GNAI1: variants seen among roughly 807,000 people sequenced by gnomAD.
The protein encoded by GNAI1 is guanine nucleotide-binding protein G(i) subunit alpha-1.
GNAI1 carries 11 observed loss-of-function variants against 38.9 expected under a neutral mutation model. That is an observed-to-expected ratio of 0.28 (90% CI 0.18 to 0.47). The LOEUF is 0.47. Ranked by LOEUF, GNAI1 falls within the 20% of genes least tolerant of loss-of-function variation. The pLI is 0.99. For missense variants in GNAI1, 317 were observed against 436.9 expected (o/e 0.73, Z 2.45); for synonymous variants, 166 against 145.1 (o/e 1.14, Z -1.04).
At chr7:80,206,015 AATT>A (rs1332112141) in intron 5 of GNAI1, among the ~76,000 whole-genome samples, 3 of 152,068 alleles carry the variant, frequency 2.0e-5, no homozygotes, top group African/African-American at 7.2e-5. Context: ...GAGAAAAAAT[AATT>A]ATCAGTTCAT....
At chr7:80,199,594 G>C (rs577470418) in intron 4 of GNAI1, among the ~76,000 whole-genome samples, 1 of 152,216 alleles carries the variant, frequency 6.6e-6, no homozygotes, top group East Asian at 1.9e-4. Context: ...TGTCTCAAGA[G>C]ACTCATGCTA....
chr7:80,153,291 T>C (rs1203698148), intron 1 of GNAI1, among the ~76,000 whole-genome samples: 1 of 152,182 alleles, frequency 6.6e-6, no homozygotes, highest in Non-Finnish European at 1.5e-5. Context: ...AATATGGCCA[T>C]AATATAGTTT....
intron 7 of GNAI1, among the ~76,000 whole-genome samples, chr7:80,213,444 C>A (rs1788906114): frequency 6.6e-6 from 1 of 152,168 alleles, no homozygotes; most frequent in African/African-American, 2.4e-5. Flanking sequence ...ACCTGAAGTA[C>A]AGTCCTGACT....
chr7:80,153,884 G>A (rs1159518504), intron 1 of GNAI1, among the ~76,000 whole-genome samples: 1 of 152,020 alleles, frequency 6.6e-6, no homozygotes, highest in Non-Finnish European at 1.5e-5. Flanking sequence ...ATGGAAATTA[G>A]GCTTATATAG....
At chr7:80,157,511 A>G (rs912578619) in intron 1 of GNAI1, among the ~76,000 whole-genome samples, 1 of 152,112 alleles carries the variant, frequency 6.6e-6, no homozygotes, top group South Asian at 2.1e-4. Flanking sequence ...ATTTTGTAAG[A>G]CACTACCAAA....
At chr7:80,190,891 CTT>C (rs1365439750) in intron 3 of GNAI1, among the ~76,000 whole-genome samples, 1 of 151,156 alleles carries the variant, frequency 6.6e-6, no homozygotes, top group Non-Finnish European at 1.5e-5. Context: ...TTTTCTCTTT[CTT>C]TTTTTAAACA....
chr7:80,136,039 G>A, intron 1 of GNAI1: 1 of 985,450 alleles, frequency 1.0e-6, no homozygotes, highest in Non-Finnish European at 1.2e-6. Context: ...TTCTGTCTCC[G>A]CTGCCACCGT....
chr7:80,208,960 G>A (rs1183167970), intron 5 of GNAI1, among the ~76,000 whole-genome samples: 5 of 151,994 alleles, frequency 3.3e-5, no homozygotes, highest in Non-Finnish European at 7.4e-5. Context: ...CTCCTTTAAC[G>A]TTTGTATATC....
In GNAI1 at chr7:80,211,082, C is replaced by T. The variant is rs764370373; in HGVS notation, c.704C>T (p.Ala235Val). The change falls in exon 6 of 8, where the codon GCT (alanine) becomes GTT (valine). Residue 235 changes from alanine (A) to valine (V), a missense_variant. Ala to Val is a moderately conservative substitution (Grantham distance 64). Coordinates refer to ENST00000649796, the MANE Select transcript of GNAI1 (RefSeq NM_002069.6). ...CTGAGTGACTACGACCTGGTTCTAGCTGAAGATGAAGAAATGGCAAGTAGA... is the reference window on the plus strand; with the variant it reads ...CTGAGTGACTACGACCTGGTTCTAGTTGAAGATGAAGAAATGGCAAGTAGA... ...VALSDYDLVL[A>V]EDEEMNRMHE... is the part of the protein sequence containing the mutation. 8.7e-6 allele frequency: 14 copies of T among 1,613,254 alleles called. No individual in the cohort carries two copies. The highest frequency in any genetic ancestry group is 1.2e-5 in the Non-Finnish European group (14 of 1,179,516).
chr7:80,176,075 C>G (rs1323108064), intron 1 of GNAI1, among the ~76,000 whole-genome samples: 1 of 152,154 alleles, frequency 6.6e-6, no homozygotes, highest in Non-Finnish European at 1.5e-5. Context: ...AACATTTAGC[C>G]AAGTTGTGAA....
At chr7:80,188,232 G>T (rs888884433) in intron 1 of GNAI1, among the ~76,000 whole-genome samples, 1 of 152,070 alleles carries the variant, frequency 6.6e-6, no homozygotes, top group Non-Finnish European at 1.5e-5. Flanking sequence ...TTTTTCATGT[G>T]GCTTCTTGGT....
At position 80,135,166 on chromosome 7, in the gene GNAI1, C is replaced by T. The variant is rs145033896; in HGVS notation, c.6C>T (p.Gly2=). The T allele has an allele frequency of 2.0e-6, 3 of 1,532,788 alleles. No homozygotes were observed. The highest frequency in any genetic ancestry group is 1.2e-5 in the South Asian group (1 of 80,664). The allele number at this position is 1,532,788 out of a possible 1,614,324, so 94.9% of individuals were successfully genotyped here. The change falls in exon 1 of 8, where the codon GGC becomes GGT. Residue 2 remains glycine (G), a synonymous_variant. Transcript: ENST00000649796. M[G]CTLSAEDKAA... ...AGGCTCTCGCTTTCGGCACCATGGG[C>T]TGCACGCTGAGCGCCGAGGACAAGG...
chr7:80,208,929 CTTCT>C (rs950239176), intron 5 of GNAI1, among the ~76,000 whole-genome samples: 5 of 152,112 alleles, frequency 3.3e-5, no homozygotes, highest in African/African-American at 1.2e-4. Flanking sequence ...TTTTCATTTC[CTTCT>C]GAGACCTCAT....
chr7:80,134,861 G>A lies in GNAI1; in HGVS notation c.-300G>A, dbSNP rs1787376173. ...CGGCTGGGCTTGGCGAGGCTGCGGC[G>A]CGGCCACCGGCGGGAGTGCAGCGGC... On this transcript the variant is annotated 5_prime_UTR_variant, in exon 1 of 8. Coordinates refer to ENST00000649796, the MANE Select transcript of GNAI1 (RefSeq NM_002069.6). The A allele has an allele frequency of 2.3e-5, 5 of 215,520 alleles. No homozygotes were observed. In the Admixed American group the frequency reaches 2.9e-4, roughly 13 times the overall value. 13.4% of individuals were successfully genotyped at this position (215,520 alleles called of 1,614,324 possible).
chr7:80,158,330 G>A (rs1475599371), intron 1 of GNAI1, among the ~76,000 whole-genome samples: 1 of 152,150 alleles, frequency 6.6e-6, no homozygotes, highest in African/African-American at 2.4e-5. Context: ...ATATTTAGCA[G>A]TGTTTCCACA....
intron 1 of GNAI1, among the ~76,000 whole-genome samples, chr7:80,166,346 A>G (rs1411344184): frequency 6.6e-6 from 1 of 152,156 alleles, no homozygotes; most frequent in East Asian, 1.9e-4. Context: ...AGAGTTGGAT[A>G]ATAATTTGAT....
chr7:80,149,664 T>G (rs1206286344), intron 1 of GNAI1, among the ~76,000 whole-genome samples: 3 of 152,284 alleles, frequency 2.0e-5, no homozygotes, highest in Admixed American at 6.5e-5. Context: ...CTTGTAATAC[T>G]TTACATGTTT....
At chr7:80,184,308 G>A (rs1480020229) in intron 1 of GNAI1, among the ~76,000 whole-genome samples, 3 of 152,176 alleles carry the variant, frequency 2.0e-5, no homozygotes, top group Non-Finnish European at 4.4e-5. Context: ...AACGGTTATT[G>A]TGCAGTTTGG....
chr7:80,212,575 T>C, intron 6 of GNAI1, 141 bp from the exon 7 acceptor site: 2 of 540,614 alleles, frequency 3.7e-6, no homozygotes, highest in East Asian at 6.8e-5. Context: ...AAGTGTGTTC[T>C]GAAATGGCAG....
Sources: allele counts gnomAD v4.1 joint callset (sites outside exome capture counted in the v4.1 genomes callset), GRCh38; gene constraint gnomAD v4.1.1; transcripts MANE v1.5; gene names NCBI Gene and HGNC (gene_info 2026-07-23, HGNC 2026-07-21).